The following ZFHX3 variants were observed in gnomAD, a reference collection of about 807,000 sequenced individuals.
ZFHX3 encodes the protein zinc finger homeobox 3, also known as zinc finger homeobox protein 3.
In ZFHX3, 42 loss-of-function variants were observed where a neutral mutation model predicts 279.1. The ratio of observed to expected loss-of-function variants is 0.15; its 90% confidence interval spans 0.12 to 0.19. ZFHX3 has a LOEUF of 0.19. Among genes scored for constraint, ZFHX3 ranks in the 10% least tolerant of loss-of-function variants. The probability of loss-of-function intolerance (pLI) is 1.00; values close to 1 mark genes in which losing one functional copy is unlikely to be tolerated. For missense variants in ZFHX3, 4,981 were observed against 4,754.0 expected (o/e 1.05, Z -1.40); for synonymous variants, 2,293 against 1,957.8 (o/e 1.17, Z -4.52).
At chr16:73,890,252 A>C (rs76780524) in intron 1 of ZFHX3, among the ~76,000 whole-genome samples, 89 of 132,626 alleles carry the variant, frequency 6.7e-4, no homozygotes, top group African/African-American at 1.6e-3. Context: ...AAAAAAAAAA[A>C]AACAACAAAA....
chr16:73,357,192 G>C (rs185317678), intron 3 of ZFHX3, among the ~76,000 whole-genome samples: 17 of 151,902 alleles, frequency 1.1e-4, no homozygotes, highest in African/African-American at 3.9e-4. Flanking sequence ...TAAGAGAATA[G>C]ATCTTAATAA....
At chr16:73,884,240 T>C (rs748923059) in intron 1 of ZFHX3, among the ~76,000 whole-genome samples, 31 of 152,174 alleles carry the variant, frequency 2.0e-4, no homozygotes, top group Admixed American at 7.2e-4. Flanking sequence ...TACCTACTGA[T>C]CTGAATACAA....
chr16:73,881,928 A>T (rs1266897360), intron 1 of ZFHX3, among the ~76,000 whole-genome samples: 1 of 151,994 alleles, frequency 6.6e-6, no homozygotes, highest in Admixed American at 6.6e-5. Context: ...TTTGCTTCAT[A>T]TAGAGGGATT....
At chr16:73,460,972 C>G (rs1315429416) in intron 2 of ZFHX3, among the ~76,000 whole-genome samples, 1 of 152,222 alleles carries the variant, frequency 6.6e-6, no homozygotes, top group East Asian at 1.9e-4. Flanking sequence ...AACTGTGAGC[C>G]AATTGCCTCT....
intron 3 of ZFHX3, among the ~76,000 whole-genome samples, chr16:73,432,551 A>T (rs1214116162): frequency 6.6e-6 from 1 of 152,218 alleles, no homozygotes; most frequent in African/African-American, 2.4e-5. Flanking sequence ...AGATTCATGC[A>T]TTCTGTTATT....
In ZFHX3 at chr16:73,006,726, C is replaced by T. The variant is rs555678541; in HGVS notation, c.-50+41026G>A. Among the ~76,000 whole-genome samples the T allele has an allele frequency of 1.0e-2, 1,509 of 151,564 alleles. 29 individuals are homozygous for T. The highest frequency in any genetic ancestry group is 0.035 in the African/African-American group (1,444 of 40,880). On this transcript the variant is annotated intron_variant, in intron 1 of 9. Coordinates refer to ENST00000268489, the MANE Select transcript of ZFHX3 (RefSeq NM_006885.4). Reference sequence around the variant, plus strand: ...GGAAGGTGATCAAATGTATCTCTCACACACATACACACAGACAGACAGCTG... The same window carrying T: ...GGAAGGTGATCAAATGTATCTCTCATACACATACACACAGACAGACAGCTG...
chr16:73,366,400 T>C (rs1007263334), intron 3 of ZFHX3, among the ~76,000 whole-genome samples: 3 of 151,922 alleles, frequency 2.0e-5, no homozygotes, highest in Non-Finnish European at 2.9e-5. Flanking sequence ...ATCTGCTCTA[T>C]TTTGATTCCT....
intron 4 of ZFHX3, among the ~76,000 whole-genome samples, chr16:73,296,885 T>TTTTTTTTTG: frequency 1.4e-5 from 2 of 143,630 alleles, no homozygotes; most frequent in African/African-American, 5.3e-5. Context: ...GAATTTTTTT[T>TTTTTTTTTG]TTTTTTTTTT....
chr16:73,647,257 C>T (rs1427087129), intron 2 of ZFHX3, among the ~76,000 whole-genome samples: 3 of 151,982 alleles, frequency 2.0e-5, no homozygotes, highest in Admixed American at 6.6e-5. Context: ...TGTGATCTGC[C>T]GGCCTCAGCC....
chr16:72,961,955 T>C (rs1048778807), intron 1 of ZFHX3, among the ~76,000 whole-genome samples: 25 of 152,092 alleles, frequency 1.6e-4, no homozygotes, highest in Non-Finnish European at 5.9e-5. Context: ...TGGGACTTCC[T>C]CGCAAGGCTG....
At chr16:73,415,804 G>A (rs951471734) in intron 3 of ZFHX3, among the ~76,000 whole-genome samples, 1 of 152,134 alleles carries the variant, frequency 6.6e-6, no homozygotes, top group Non-Finnish European at 1.5e-5. Context: ...AGCTGGAAGG[G>A]GCTTAGAGAT....
At chr16:73,373,220 C>T (rs1317362550) in intron 3 of ZFHX3, among the ~76,000 whole-genome samples, 1 of 152,138 alleles carries the variant, frequency 6.6e-6, no homozygotes, top group Non-Finnish European at 1.5e-5. Context: ...TCACCTTCCA[C>T]TTCTCACCAA....
At chr16:73,740,359 G>C (rs753451820) in intron 1 of ZFHX3, among the ~76,000 whole-genome samples, 2 of 152,022 alleles carry the variant, frequency 1.3e-5, no homozygotes, top group Non-Finnish European at 2.9e-5. Flanking sequence ...CTCCCTAAAG[G>C]TTGAAATCTT....
At chr16:73,620,817 G>C (rs941255128) in intron 2 of ZFHX3, among the ~76,000 whole-genome samples, 1 of 152,198 alleles carries the variant, frequency 6.6e-6, no homozygotes, top group South Asian at 2.1e-4. Flanking sequence ...TTTCAAAACA[G>C]GTCAACATTC....
chr16:73,211,928 G>A (rs2012034026), intron 5 of ZFHX3, among the ~76,000 whole-genome samples: 1 of 151,976 alleles, frequency 6.6e-6, no homozygotes, highest in Non-Finnish European at 1.5e-5. Context: ...TTTATATATT[G>A]AGGATAGGAG....
intron 1 of ZFHX3, among the ~76,000 whole-genome samples, chr16:72,992,742 C>T (rs1457139790): frequency 6.6e-6 from 1 of 152,214 alleles, no homozygotes; most frequent in Non-Finnish European, 1.5e-5. Context: ...CTTGGAACAG[C>T]CCATTCAGAA....
chr16:73,196,437 T>C (rs7196053), intron 5 of ZFHX3, among the ~76,000 whole-genome samples: 5,894 of 152,168 alleles, frequency 0.039, 393 homozygotes, highest in African/African-American at 0.13. Flanking sequence ...TGACGCCATA[T>C]TTGTAGATCA....
chr16:73,325,902 AAC>A (rs112302302), intron 3 of ZFHX3, among the ~76,000 whole-genome samples: 5,074 of 91,136 alleles, frequency 0.056, 119 homozygotes, highest in Non-Finnish European at 0.077. Flanking sequence ...CACACACACA[AAC>A]ACACACACAC....
chr16:73,823,651 G>A (rs1032805386), intron 1 of ZFHX3, among the ~76,000 whole-genome samples: 1 of 148,144 alleles, frequency 6.8e-6, no homozygotes, highest in Non-Finnish European at 1.5e-5. Context: ...GGCTGCTTTG[G>A]CGCTACAATG....
Sources: allele counts gnomAD v4.1 joint callset (sites outside exome capture counted in the v4.1 genomes callset), GRCh38; gene constraint gnomAD v4.1.1; transcripts MANE v1.5; gene names NCBI Gene and HGNC (gene_info 2026-07-23, HGNC 2026-07-21).